The following SLC5A11 variants were observed in gnomAD, a reference collection of about 807,000 sequenced individuals.
SLC5A11 encodes the protein solute carrier family 5 member 11.
Under a neutral mutation model 69.8 loss-of-function variants are expected in SLC5A11, and 48 were observed. The observed-to-expected ratio is 0.69, with a 90% CI of 0.55 to 0.87. SLC5A11 has a LOEUF of 0.87. Among genes scored for constraint, SLC5A11 ranks in the 40% least tolerant of loss-of-function variants. The pLI, the probability that SLC5A11 is intolerant of heterozygous loss-of-function variation, is 0.00. For missense variants in SLC5A11, 784 were observed against 866.1 expected, an observed-to-expected ratio of 0.91 and a Z score of 1.19; for synonymous variants, 319 against 342.4, an observed-to-expected ratio of 0.93 and a Z score of 0.75.
intron 9 of SLC5A11, among the ~76,000 whole-genome samples, chr16:24,893,753 G>A (rs2048969618): frequency 2.0e-5 from 3 of 151,872 alleles, no homozygotes; most frequent in African/African-American, 4.8e-5. Context: ...GGTATTTTTT[G>A]TAGAGATAGG....
chr16:24,872,256 A>G, intron 5 of SLC5A11, 37 bp downstream of exon 6: 1 of 1,612,086 alleles, frequency 6.2e-7, no homozygotes, highest in Non-Finnish European at 8.5e-7. Flanking sequence ...TAGAATTGAA[A>G]GATGCTTTGG....
At chr16:24,905,251 C>T (rs578211475) in intron 10 of SLC5A11, among the ~76,000 whole-genome samples, 10 of 143,736 alleles carry the variant, frequency 7.0e-5, no homozygotes, top group Admixed American at 3.6e-4. Flanking sequence ...TGATGGAACC[C>T]CGTCTCTACT....
intron 3 of SLC5A11, among the ~76,000 whole-genome samples, chr16:24,868,632 T>G (rs564030261): frequency 6.6e-6 from 1 of 151,316 alleles, no homozygotes; most frequent in South Asian, 2.1e-4. Flanking sequence ...CTTCCCAATT[T>G]GAAAACTTAC....
At chr16:24,888,310 A>G (rs537238818) in intron 8 of SLC5A11, among the ~76,000 whole-genome samples, 25 of 152,214 alleles carry the variant, frequency 1.6e-4, no homozygotes, top group African/African-American at 6.0e-4. Context: ...AAAAGCTGCA[A>G]TTACAGACTA....
chr16:24,885,656 C>CAAAAAAAA (rs748412604), intron 8 of SLC5A11, among the ~76,000 whole-genome samples: 2 of 65,928 alleles, frequency 3.0e-5, no homozygotes, highest in African/African-American at 6.4e-5. Context: ...GACCCTGTCT[C>CAAAAAAAA]AAAAAAAAAA....
chr16:24,869,846 G>A, intron 3 of SLC5A11, 55 bp from the exon 5 acceptor site: 4 of 1,271,260 alleles, frequency 3.1e-6, no homozygotes, highest in Non-Finnish European at 4.6e-6. Flanking sequence ...TTGGGGGTGG[G>A]GAGCAGGTAC....
rs3050359 is a variant in SLC5A11 at position 24,909,829 on chromosome 16, T to TAA, written c.1651-455_1651-454dup. 2.1e-3 allele frequency among the ~76,000 whole-genome samples: 216 copies of TAA among 103,898 alleles called. 1 individual carries two copies. The highest frequency in any genetic ancestry group is 5.8e-3 in the Middle Eastern group (1 of 172). The allele number at this position is 103,898 out of a possible 152,430, so 68.2% of individuals were successfully genotyped here. On this transcript the variant is annotated intron_variant, in intron 14 of 15. Transcript: ENST00000347898. Reference sequence around the variant, plus strand: ...GGGTGACAGAACAAGAGCCTGTCTTTAAAAAAAAAAAAAAAAAAAAAAAGT... The same window carrying TAA: ...GGGTGACAGAACAAGAGCCTGTCTTTAAAAAAAAAAAAAAAAAAAAAAAAAGT...
chr16:24,908,695 G>C (rs2050263879), intron 13 of SLC5A11, among the ~76,000 whole-genome samples, 186 bp from the exon 15 acceptor site: 1 of 150,964 alleles, frequency 6.6e-6, no homozygotes, highest in African/African-American at 2.4e-5. Flanking sequence ...GAGGGAGTTA[G>C]TAAACTATTA....
intron 2 of SLC5A11, 119 bp downstream of exon 3, chr16:24,858,897 A>G: frequency 7.6e-7 from 1 of 1,319,434 alleles, no homozygotes; most frequent in Non-Finnish European, 1.0e-6. Flanking sequence ...AGAAACTAAC[A>G]CAAGGTTATA....
chr16:24,888,397 A>T (rs974102515), intron 8 of SLC5A11, among the ~76,000 whole-genome samples: 2 of 151,794 alleles, frequency 1.3e-5, no homozygotes, highest in Non-Finnish European at 2.9e-5. Context: ...ATTTATATTC[A>T]TAAATATGAA....
intron 9 of SLC5A11, among the ~76,000 whole-genome samples, chr16:24,891,477 G>A (rs1386506532): frequency 6.6e-6 from 1 of 151,794 alleles, no homozygotes; most frequent in Non-Finnish European, 1.5e-5. Flanking sequence ...ACCATGCCCA[G>A]CTATTTATTA....
At chr16:24,881,049 CA>C (rs1484575374) in intron 7 of SLC5A11, among the ~76,000 whole-genome samples, 16 of 151,622 alleles carry the variant, frequency 1.1e-4, no homozygotes, top group African/African-American at 3.4e-4. Flanking sequence ...ACTAAAAATA[CA>C]AAAAAATTAG....
intron 1 of SLC5A11, among the ~76,000 whole-genome samples, chr16:24,851,548 A>AC (rs2059307944): frequency 6.6e-6 from 1 of 151,836 alleles, no homozygotes; most frequent in Admixed American, 6.6e-5. Flanking sequence ...TCATCTCAAA[A>AC]AAAACAAAAC....
chr16:24,879,595 A>C (rs867625147), intron 7 of SLC5A11, among the ~76,000 whole-genome samples: 2 of 151,990 alleles, frequency 1.3e-5, no homozygotes, highest in Non-Finnish European at 2.9e-5. Flanking sequence ...AAATTAGCAG[A>C]GTGTGGTGGC....
intron 3 of SLC5A11, among the ~76,000 whole-genome samples, chr16:24,867,161 T>C (rs554580458): frequency 6.6e-6 from 1 of 152,238 alleles, no homozygotes; most frequent in East Asian, 1.9e-4. Flanking sequence ...TTTAAAATGA[T>C]TGAAATAATA....
intron 1 of SLC5A11, among the ~76,000 whole-genome samples, chr16:24,849,593 A>AAAAAAAAAAAAAT: frequency 8.4e-5 from 3 of 35,908 alleles, no homozygotes; most frequent in South Asian, 1.2e-3. Flanking sequence ...AAAAAAAAAA[A>AAAAAAAAAAAAAT]ATATATATAT....
At chr16:24,889,629 T>C (rs1056020989) in intron 8 of SLC5A11, among the ~76,000 whole-genome samples, 1 of 133,218 alleles carries the variant, frequency 7.5e-6, no homozygotes, top group African/African-American at 2.9e-5. Context: ...CTTGCCTCAC[T>C]GCAACCTCTA....
At chr16:24,909,249 A>G (rs753911695) in intron 14 of SLC5A11, among the ~76,000 whole-genome samples, 153 bp downstream of exon 15, 37 of 152,164 alleles carry the variant, frequency 2.4e-4, no homozygotes, top group Non-Finnish European at 4.4e-4. Context: ...GGGACTCTGA[A>G]AAGGTCATCA....
chr16:24,862,595 T>C lies in SLC5A11; in HGVS notation c.136-6T>C, dbSNP rs775936072. The C allele has an allele frequency of 6.2e-7, 1 of 1,610,654 alleles. No individual in the cohort carries two copies. Among genetic ancestry groups the C allele is most frequent in the Non-Finnish European group, 8.5e-7 (1 of 1,177,754 alleles). ...CCCTCACCCACCTCTCTTCTTTTTT[T>C]TTCAGTCCACAGTGAAGACCAAAAG... On this transcript the variant is annotated splice_region_variant and splice_polypyrimidine_tract_variant and intron_variant, in intron 2 of 15. Coordinates refer to ENST00000347898, the Ensembl canonical transcript of SLC5A11.
Sources: allele counts gnomAD v4.1 joint callset (sites outside exome capture counted in the v4.1 genomes callset), GRCh38; gene constraint gnomAD v4.1.1; transcripts MANE v1.5; gene names NCBI Gene and HGNC (gene_info 2026-07-23, HGNC 2026-07-21).